Variants in RBM26 observed in about 807,000 individuals in gnomAD.
The protein encoded by RBM26 is RNA binding motif protein 26, also known as RNA-binding protein 26.
Under a neutral mutation model 123.6 loss-of-function variants are expected in RBM26, and 30 were observed. That is an observed-to-expected ratio of 0.24 (90% confidence interval 0.18 to 0.33). The LOEUF is 0.33. Ranked by LOEUF, RBM26 falls within the 10% of genes least tolerant of loss-of-function variation. The pLI, the probability that RBM26 is intolerant of heterozygous loss-of-function variation, is 1.00. For synonymous variants in RBM26, 400 were observed against 404.4 expected, an observed-to-expected ratio of 0.99 and a Z score of 0.13; for missense variants, 947 against 1,203.6, an observed-to-expected ratio of 0.79 and a Z score of 3.15.
chr13:79,379,854 CAT>C (rs1044477968), intron 1 of RBM26, among the ~76,000 whole-genome samples: 1 of 151,662 alleles, frequency 6.6e-6, no homozygotes, highest in Non-Finnish European at 1.5e-5. Context: ...GATGCTAAAA[CAT>C]AAAATAAATA....
At chr13:79,344,346 CATT>C in intron 15 of RBM26, 24 bp from the exon 16 acceptor site, 2 of 1,486,748 alleles carry the variant, frequency 1.3e-6, no homozygotes, top group Non-Finnish European at 1.9e-6. Context: ...TCAAAAATAT[CATT>C]AGAATATTAC....
chr13:79,366,550 C>T (rs2075287802), intron 7 of RBM26, 83 bp downstream of exon 7: 2 of 1,380,098 alleles, frequency 1.4e-6, no homozygotes, highest in African/African-American at 1.5e-5. Flanking sequence ...CCTTTAGATA[C>T]TTTTAATTTA....
At chr13:79,375,077 G>GAT (rs748946755) in intron 3 of RBM26, among the ~76,000 whole-genome samples, 41,998 of 84,732 alleles carry the variant, frequency 0.5, 7,714 homozygotes, top group South Asian at 0.6. Context: ...ATATTTATAT[G>GAT]ATATATATAA....
chr13:79,357,929 C>T (rs2074225243), intron 11 of RBM26, among the ~76,000 whole-genome samples: 1 of 144,432 alleles, frequency 6.9e-6, no homozygotes, highest in South Asian at 2.1e-4. Flanking sequence ...GTCACCCAGG[C>T]TGGAGTGCAG....
At chr13:79,397,553 G>A (rs189526259) in intron 1 of RBM26, among the ~76,000 whole-genome samples, 3 of 151,370 alleles carry the variant, frequency 2.0e-5, no homozygotes, top group East Asian at 2.0e-4. Context: ...GTGGTGGCAC[G>A]TGCCTGTAGT....
intron 3 of RBM26, among the ~76,000 whole-genome samples, chr13:79,373,184 TAAATATATA>T (rs1180084802): frequency 9.1e-6 from 1 of 110,124 alleles, no homozygotes; most frequent in African/African-American, 3.7e-5. Flanking sequence ...AATTTTTATA[TAAATATATA>T]AAATATATAA....
Position 79,393,704 on chromosome 13 carries a change from G to A in RBM26, c.71+12000C>T, listed in dbSNP as rs117824550. Among the ~76,000 whole-genome samples the A allele has an allele frequency of 9.7e-4, 148 of 152,136 alleles. 1 individual carries two copies. The East Asian group carries it at 0.028, about 29-fold the overall frequency. ...GGTCACAAGTGGCTCTCCTCCCCCC[G>A]TATGACCACTGAGATCACCTTGTGG... On this transcript the variant is annotated intron_variant, in intron 1 of 21. Transcript: ENST00000438737.
At chr13:79,357,893 T>G (rs2074216220) in intron 11 of RBM26, among the ~76,000 whole-genome samples, 1 of 151,634 alleles carries the variant, frequency 6.6e-6, no homozygotes. Flanking sequence ...TTTTTTTTTT[T>G]TTTTTTGAGA....
chr13:79,356,110 C>T (rs1413042835), intron 11 of RBM26, among the ~76,000 whole-genome samples: 1 of 152,180 alleles, frequency 6.6e-6, no homozygotes, highest in East Asian at 1.9e-4. Context: ...TGTCAGTAAT[C>T]CCAGCACTCT....
At chr13:79,380,118 T>A (rs1409469558) in intron 1 of RBM26, among the ~76,000 whole-genome samples, 1 of 152,192 alleles carries the variant, frequency 6.6e-6, no homozygotes, top group African/African-American at 2.4e-5. Flanking sequence ...TCTACACATA[T>A]ACTCACGTGT....
chr13:79,331,630 C>T lies in RBM26; in HGVS notation c.2820+2714G>A, dbSNP rs565594832. On this transcript the variant is annotated intron_variant, in intron 20 of 21. Coordinates refer to ENST00000438737, the MANE Select transcript of RBM26 (RefSeq NM_001366735.2). Reference sequence around the variant, plus strand: ...CAGCCTGGGCAACACAGCGAGACTCCGCCTCAAAAAAAAAAAAAAATTGTA... The same window carrying T: ...CAGCCTGGGCAACACAGCGAGACTCTGCCTCAAAAAAAAAAAAAAATTGTA... 3.2e-3 allele frequency among the ~76,000 whole-genome samples: 475 copies of T among 149,708 alleles called. 1 individual carries two copies. Among genetic ancestry groups the T allele is most frequent in the Admixed American group, 8.5e-3 (129 of 15,146 alleles).
chr13:79,367,660 C>T (rs144745714), intron 6 of RBM26, among the ~76,000 whole-genome samples: 88 of 152,038 alleles, frequency 5.8e-4, no homozygotes, highest in African/African-American at 2.0e-3. Context: ...GCTCTCCCTT[C>T]GCCTTCTACC....
At chr13:79,336,987 T>C in intron 19 of RBM26, 115 bp downstream of exon 19, 1 of 950,862 alleles carries the variant, frequency 1.1e-6, no homozygotes, top group South Asian at 1.6e-5. Flanking sequence ...AAACTCTTTG[T>C]TCAGATTAAC....
chr13:79,323,933 A>G (rs964797167), intron 20 of RBM26, among the ~76,000 whole-genome samples: 1 of 148,838 alleles, frequency 6.7e-6, no homozygotes, highest in Non-Finnish European at 1.5e-5. Context: ...ATGTTATAAG[A>G]AACATATTCC....
intron 1 of RBM26, among the ~76,000 whole-genome samples, chr13:79,396,880 A>G (rs2078614824): frequency 6.6e-6 from 1 of 152,232 alleles, no homozygotes; most frequent in African/African-American, 2.4e-5. Context: ...GATCGTCTCA[A>G]CAGATGGAGA....
At chr13:79,402,603 G>A (rs2079145877) in intron 1 of RBM26, among the ~76,000 whole-genome samples, 1 of 151,992 alleles carries the variant, frequency 6.6e-6, no homozygotes, top group Non-Finnish European at 1.5e-5. Flanking sequence ...CTTCTCCTTT[G>A]CTTTTTTCTA....
At chr13:79,369,638 A>G (rs1366011789) in intron 5 of RBM26, among the ~76,000 whole-genome samples, 1 of 152,190 alleles carries the variant, frequency 6.6e-6, no homozygotes, top group Non-Finnish European at 1.5e-5. Flanking sequence ...AAAGTTTGAG[A>G]AAAGGTGCTT....
At chr13:79,334,734 T>C (rs1235497553) in intron 19 of RBM26, among the ~76,000 whole-genome samples, 1 of 152,154 alleles carries the variant, frequency 6.6e-6, no homozygotes, top group African/African-American at 2.4e-5. Context: ...GCTAACTAAC[T>C]TTCCTCTTAT....
chr13:79,380,985 A>T (rs577454717), intron 1 of RBM26, among the ~76,000 whole-genome samples: 215 of 152,128 alleles, frequency 1.4e-3, no homozygotes, highest in Non-Finnish European at 2.4e-3. Context: ...TTTATAACTA[A>T]GCTAAAATTA....
Sources: allele counts gnomAD v4.1 joint callset (sites outside exome capture counted in the v4.1 genomes callset), GRCh38; gene constraint gnomAD v4.1.1; transcripts MANE v1.5; gene names NCBI Gene and HGNC (gene_info 2026-07-23, HGNC 2026-07-21).